Variants in TMIGD1 observed in about 807,000 individuals in gnomAD.
TMIGD1 encodes the protein transmembrane and immunoglobulin domain containing 1.
Under a neutral mutation model 27.5 loss-of-function variants are expected in TMIGD1, and 29 were observed. The observed-to-expected ratio is 1.05, with a 90% CI of 0.78 to 1.44. The LOEUF (loss-of-function observed/expected upper bound fraction) is 1.44. TMIGD1 is among the 40% of genes most tolerant of loss of function. The pLI is 0.00. For synonymous variants in TMIGD1, 109 were observed against 110.3 expected, an observed-to-expected ratio of 0.99 and a Z score of 0.07; for missense variants, 334 against 310.6, an observed-to-expected ratio of 1.08 and a Z score of -0.57.
In TMIGD1 at chr17:30,329,308, T is replaced by G; in HGVS notation, c.304A>C (p.Thr102Pro). Residue 102 changes from threonine to proline, a missense_variant, in exon 3 of 7, where the codon ACC (threonine) becomes CCC (proline). Coordinates refer to ENST00000328886, the MANE Select transcript of TMIGD1 (RefSeq NM_206832.3). ...GACTGATCCCTCCCCAGCCTGCAGG[T>G]AAAGCTGATTCCGTTGTCATTTTCA... Reference protein sequence around the residue: ...ISENDNGISFTCRLGRDQSVS... With the variant: ...ISENDNGISFPCRLGRDQSVS... 8.7e-6 allele frequency: 14 copies of G among 1,613,922 alleles called. No individual in the cohort carries two copies. The highest frequency in any genetic ancestry group is 1.2e-5 in the Non-Finnish European group (14 of 1,179,958).
intron 3 of TMIGD1, among the ~76,000 whole-genome samples, chr17:30,327,045 T>TACACAC (rs60346282): frequency 0.016 from 2,283 of 146,564 alleles, 29 homozygotes; most frequent in East Asian, 0.055. Flanking sequence ...CAATTAACTA[T>TACACAC]ACACACACAC....
In TMIGD1 at chr17:30,316,453, C is replaced by T; in HGVS notation, c.*234G>A. Reference sequence around the variant, plus strand: ...TTTGGAACAAATCTCAATTAATTAACATATACTTCAAGGAGAAGACTTAAC... The same window carrying T: ...TTTGGAACAAATCTCAATTAATTAATATATACTTCAAGGAGAAGACTTAAC... On this transcript the variant is annotated 3_prime_UTR_variant, in exon 7 of 7. Transcript: ENST00000328886. 2.2e-6 allele frequency: 1 copy of T among 445,834 alleles called. No individual in the cohort carries two copies. The highest frequency in any genetic ancestry group is 4.0e-6 in the Non-Finnish European group (1 of 253,146). The allele number at this position is 445,834 out of a possible 1,614,324, so 27.6% of individuals were successfully genotyped here. A position where few individuals can be genotyped will look rare whatever the true frequency, so the allele number is the denominator to read the frequency against.
chr17:30,321,006 C>T (rs1346438409), intron 4 of TMIGD1, among the ~76,000 whole-genome samples: 6 of 152,124 alleles, frequency 3.9e-5, no homozygotes, highest in Admixed American at 1.3e-4. Flanking sequence ...TACAGGTGTA[C>T]ACCACCATGC....
chr17:30,319,261 A>AAAATATATATATATAT, intron 4 of TMIGD1, among the ~76,000 whole-genome samples: 10 of 69,034 alleles, frequency 1.4e-4, no homozygotes, highest in South Asian at 4.2e-4. Context: ...AAAAAAAAAA[A>AAAATATATATATATAT]ATATATATAT....
chr17:30,326,034 T>C (rs1856347960), intron 3 of TMIGD1, among the ~76,000 whole-genome samples: 1 of 152,122 alleles, frequency 6.6e-6, no homozygotes, highest in African/African-American at 2.4e-5. Flanking sequence ...AAAAGGAGCT[T>C]GTATAATCTG....
At chr17:30,325,543 C>T (rs991547285) in intron 3 of TMIGD1, among the ~76,000 whole-genome samples, 2 of 147,352 alleles carry the variant, frequency 1.4e-5, no homozygotes, top group African/African-American at 2.5e-5. Flanking sequence ...TAACTAACTG[C>T]TAAGGCCTCT....
chr17:30,328,567 A>C (rs1909862560), intron 3 of TMIGD1, among the ~76,000 whole-genome samples: 1 of 152,184 alleles, frequency 6.6e-6, no homozygotes, highest in Admixed American at 6.5e-5. Flanking sequence ...AACGGAAAAA[A>C]ATGAGTTAAG....
At chr17:30,319,261 A>AAAAAAAAAATATATATATATATAT in intron 4 of TMIGD1, among the ~76,000 whole-genome samples, 4 of 69,046 alleles carry the variant, frequency 5.8e-5, no homozygotes, top group African/African-American at 3.6e-4. Context: ...AAAAAAAAAA[A>AAAAAAAAAATATATATATATATAT]ATATATATAT....
intron 3 of TMIGD1, among the ~76,000 whole-genome samples, chr17:30,327,677 AGCCTCC>A (rs1271981136): frequency 6.6e-6 from 1 of 151,874 alleles, no homozygotes; most frequent in Non-Finnish European, 1.5e-5. Flanking sequence ...CTGTAGCCTC[AGCCTCC>A]CGAGCAGCTG....
At chr17:30,319,664 G>C (rs542329450) in intron 4 of TMIGD1, among the ~76,000 whole-genome samples, 6 of 151,958 alleles carry the variant, frequency 3.9e-5, no homozygotes, top group Admixed American at 2.0e-4. Flanking sequence ...AAGTATCCTG[G>C]GGTGGGTGAG....
intron 2 of TMIGD1, among the ~76,000 whole-genome samples, chr17:30,331,623 C>T (rs1460448267): frequency 9.2e-5 from 13 of 141,736 alleles, no homozygotes; most frequent in Admixed American, 8.9e-4. Flanking sequence ...CTCGCCCTGT[C>T]GCCCAGGCTG....
intron 1 of TMIGD1, among the ~76,000 whole-genome samples, chr17:30,333,273 CAAAA>C (rs1258253575): frequency 2.1e-5 from 2 of 93,594 alleles, no homozygotes; most frequent in Non-Finnish European, 2.3e-5. Flanking sequence ...ACTAAAAATG[CAAAA>C]AAAAAAAAAA....
intron 4 of TMIGD1, among the ~76,000 whole-genome samples, chr17:30,323,485 T>A (rs1329025870): frequency 6.6e-6 from 1 of 152,186 alleles, no homozygotes; most frequent in Non-Finnish European, 1.5e-5. Context: ...CCACCAGCCG[T>A]GGGAAGTAGC....
At chr17:30,320,927 G>A (rs575659870) in intron 4 of TMIGD1, among the ~76,000 whole-genome samples, 10 of 151,934 alleles carry the variant, frequency 6.6e-5, no homozygotes, top group Non-Finnish European at 1.0e-4. Context: ...GCTTGATCTC[G>A]GCTCACTGCA....
rs1445666515 is a variant in TMIGD1, at chr17:30,324,939, G to T, written c.517C>A (p.Gln173Lys). 2 of 1,614,168 alleles carry T rather than the reference G, an allele frequency of 1.2e-6. No homozygotes were observed. The highest frequency in any genetic ancestry group is 2.2e-5 in the South Asian group (2 of 91,086). ...DLEKSRHQIQ[Q>K]TSESFQLSIT... ...GACAGCTGAAAAGACTCACTTGTCTGTTGGATTTGGTGACGGCTTTTCTCT... is the reference window on the plus strand; with the variant it reads ...GACAGCTGAAAAGACTCACTTGTCTTTTGGATTTGGTGACGGCTTTTCTCT... Residue 173 changes from glutamine to lysine, a missense_variant, in exon 4 of 7, where the codon CAG becomes AAG. By Grantham distance (53) the Gln-to-Lys change is moderately conservative (BLOSUM62 1). Coordinates refer to ENST00000328886, the MANE Select transcript of TMIGD1 (RefSeq NM_206832.3).
chr17:30,319,261 A>AAAAAAAAAAAAAAAAAAAT, intron 4 of TMIGD1, among the ~76,000 whole-genome samples: 1 of 69,066 alleles, frequency 1.4e-5, no homozygotes, highest in Non-Finnish European at 2.6e-5. Context: ...AAAAAAAAAA[A>AAAAAAAAAAAAAAAAAAAT]ATATATATAT....
chr17:30,333,607 G>A (rs999307543), intron 1 of TMIGD1, among the ~76,000 whole-genome samples: 1 of 152,040 alleles, frequency 6.6e-6, no homozygotes, highest in African/African-American at 2.4e-5. Flanking sequence ...GCCCTGACAG[G>A]AGTAAGTTTC....
rs1195486491 is a variant in TMIGD1, at chr17:30,329,481, G to T, written c.131C>A (p.Thr44Asn). The change falls in exon 3 of 7, where the codon ACT becomes AAT. Residue 44 changes from threonine (T) to asparagine (N), a missense_variant. By Grantham distance (65) the Thr-to-Asn change is moderately conservative. Coordinates refer to ENST00000328886, the MANE Select transcript of TMIGD1 (RefSeq NM_206832.3). ...NGKTENYILD[T>N]TPGSQASLIC... Reference sequence around the variant, plus strand: ...CAGAGATGCTTGGGAGCCAGGTGTAGTATCCAGGATATAGTTCTCAGTTTT... The same window carrying T: ...CAGAGATGCTTGGGAGCCAGGTGTATTATCCAGGATATAGTTCTCAGTTTT... 1.9e-6 allele frequency: 3 copies of T among 1,614,030 alleles called. No homozygotes were observed. Among genetic ancestry groups the T allele is most frequent in the African/African-American group, 2.7e-5 (2 of 74,922 alleles).
At chr17:30,322,938 A>C (rs1909666563) in intron 4 of TMIGD1, among the ~76,000 whole-genome samples, 1 of 152,190 alleles carries the variant, frequency 6.6e-6, no homozygotes, top group Admixed American at 6.5e-5. Context: ...TGGGAAGCTG[A>C]GGTGGCAGAT....
Sources: gnomAD v4.1 joint callset for allele counts (sites outside exome capture counted in the v4.1 genomes callset) on GRCh38, gnomAD v4.1.1 for gene constraint, MANE v1.5 for transcripts, NCBI Gene and HGNC (gene_info 2026-07-23, HGNC 2026-07-21) for gene names.